F13A1: variants seen among roughly 807,000 people sequenced by gnomAD.
The protein encoded by F13A1 is FSF, A subunit.
Under a neutral mutation model 80.1 loss-of-function variants are expected in F13A1, and 47 were observed. The observed-to-expected ratio is 0.59, with a 90% confidence interval of 0.46 to 0.75. The LOEUF is 0.75. Ranked by LOEUF, F13A1 falls within the 30% of genes least tolerant of loss-of-function variation. The probability of loss-of-function intolerance (pLI) is 0.00; values close to 1 mark genes in which losing one functional copy is unlikely to be tolerated. For synonymous variants in F13A1, 349 were observed against 344.9 expected, an observed-to-expected ratio of 1.01 and a Z score of -0.13; for missense variants, 817 against 930.4, an observed-to-expected ratio of 0.88 and a Z score of 1.59.
At chr6:6,208,475 AG>A (rs1296789913) in intron 8 of F13A1, among the ~76,000 whole-genome samples, 9 of 152,310 alleles carry the variant, frequency 5.9e-5, no homozygotes, top group African/African-American at 2.2e-4. Context: ...AGCAAGTAGC[AG>A]AAAGAATATT....
chr6:6,201,148 T>C (rs1761386603), intron 8 of F13A1, among the ~76,000 whole-genome samples: 1 of 152,198 alleles, frequency 6.6e-6, no homozygotes, highest in Non-Finnish European at 1.5e-5. Flanking sequence ...AATTCAAATA[T>C]CCTTGGCAAG....
chr6:6,274,733 G>A (rs1470563454), intron 3 of F13A1, among the ~76,000 whole-genome samples: 1 of 152,176 alleles, frequency 6.6e-6, no homozygotes. Context: ...AACACAGTGT[G>A]GAAACCCAGA....
rs1761495206 is a variant in F13A1 at position 6,206,684 on chromosome 6, A to G, written c.1113-9358T>C. 18 of 403,176 alleles carry G rather than the reference A, an allele frequency of 4.5e-5. 1 individual carries two copies. Among genetic ancestry groups the G allele is most frequent in the South Asian group, 3.3e-4 (18 of 54,426 alleles). The allele number at this position is 403,176 out of a possible 1,614,324, so 25.0% of individuals were successfully genotyped here. On this transcript the variant is annotated intron_variant, in intron 8 of 14. Coordinates refer to ENST00000264870, the MANE Select transcript of F13A1 (RefSeq NM_000129.4). ...GCCCCCTTCTTGTTTTTAAGCAAAT[A>G]TTTTTTACATTCCTTCATTAGGCTG...
intron 8 of F13A1, among the ~76,000 whole-genome samples, chr6:6,212,555 T>A (rs986833760): frequency 1.6e-4 from 25 of 151,932 alleles, no homozygotes; most frequent in African/African-American, 6.0e-4. Flanking sequence ...AGACCAAAAG[T>A]AGATAAAACC....
At chr6:6,311,496 T>C (rs1758593921) in intron 2 of F13A1, among the ~76,000 whole-genome samples, 1 of 137,958 alleles carries the variant, frequency 7.2e-6, no homozygotes. Flanking sequence ...TGCTGATTAA[T>C]GCCTTTGAGA....
intron 8 of F13A1, among the ~76,000 whole-genome samples, chr6:6,205,183 TCTCA>T (rs1394932362): frequency 6.6e-6 from 1 of 152,206 alleles, no homozygotes; most frequent in Admixed American, 6.5e-5. Context: ...GTTTTGCAAG[TCTCA>T]CTGAGAAGTC....
intron 8 of F13A1, among the ~76,000 whole-genome samples, chr6:6,209,124 T>C (rs1263155648): frequency 6.6e-6 from 1 of 152,080 alleles, no homozygotes; most frequent in Non-Finnish European, 1.5e-5. Context: ...ATATAAAGAA[T>C]AGTTACAATT....
intron 12 of F13A1, among the ~76,000 whole-genome samples, chr6:6,169,834 T>C (rs1278287727): frequency 2.0e-5 from 3 of 152,226 alleles, no homozygotes; most frequent in Admixed American, 6.5e-5. Flanking sequence ...TAGAATGTAT[T>C]GGCCTATTTT....
chr6:6,254,059 ACAAT>A (rs1422680112), intron 4 of F13A1, among the ~76,000 whole-genome samples: 2 of 152,186 alleles, frequency 1.3e-5, no homozygotes, highest in Admixed American at 6.5e-5. Context: ...AACTCCACTA[ACAAT>A]CAGAGACATA....
At position 6,162,544 on chromosome 6, in the gene F13A1, C is replaced by G. The variant is rs529264055; in HGVS notation, c.1908+4914G>C. On this transcript the variant is annotated intron_variant, in intron 13 of 14. Transcript: ENST00000264870. This position sits in a 1 kb window ranked among gnomAD's most constrained non-coding sequence, Gnocchi z 4.2. ...TTGTGATAGTTCCATTGTAGCCCAG[C>G]GGCTGCCAGCACAGGCTTCCAAGTC... Among the ~76,000 whole-genome samples the G allele has an allele frequency of 6.6e-6, 1 of 152,198 alleles. No homozygotes were observed. Among genetic ancestry groups the G allele is most frequent in the South Asian group, 2.1e-4 (1 of 4,828 alleles).
chr6:6,210,490 A>C (rs1024450174), intron 8 of F13A1, among the ~76,000 whole-genome samples: 1 of 23,468 alleles, frequency 4.3e-5, no homozygotes, highest in Non-Finnish European at 7.6e-5. Flanking sequence ...GACTACAGGC[A>C]CCTGCCACAG....
chr6:6,145,500 T>A lies in F13A1; in HGVS notation c.*119A>T. 7.7e-7 allele frequency: 1 copy of A among 1,291,498 alleles called. No individual in the cohort carries two copies. The highest frequency in any genetic ancestry group is 1.7e-5 in the Admixed American group (1 of 57,652). 80.0% of individuals were successfully genotyped at this position (1,291,498 alleles called of 1,614,324 possible). A position where few individuals can be genotyped will look rare whatever the true frequency, so the allele number is the denominator to read the frequency against. ...GTGGGATCTCCACTCTGGAGCCCTC[T>A]GCAGTCCTGTCTGGGTCTTCACACC... On this transcript the variant is annotated 3_prime_UTR_variant, in exon 15 of 15. Coordinates refer to ENST00000264870, the MANE Select transcript of F13A1 (RefSeq NM_000129.4).
At chr6:6,230,516 G>A (rs748484423) in intron 6 of F13A1, among the ~76,000 whole-genome samples, 24 of 152,252 alleles carry the variant, frequency 1.6e-4, no homozygotes, top group Non-Finnish European at 1.9e-4. Flanking sequence ...TACCCTGCTA[G>A]TGGAAGACAA....
chr6:6,196,589 C>T (rs973474305), intron 9 of F13A1, among the ~76,000 whole-genome samples: 1 of 152,118 alleles, frequency 6.6e-6, no homozygotes, highest in Non-Finnish European at 1.5e-5. Flanking sequence ...GTGTGCCCAT[C>T]GATATATCAA....
At chr6:6,274,228 A>G (rs1413302838) in intron 3 of F13A1, among the ~76,000 whole-genome samples, 1 of 152,200 alleles carries the variant, frequency 6.6e-6, no homozygotes, top group African/African-American at 2.4e-5. Context: ...CTCAATAAAT[A>G]TTTGGCAAAT....
At chr6:6,159,715 A>G (rs1035188597) in intron 13 of F13A1, among the ~76,000 whole-genome samples, 9 of 152,168 alleles carry the variant, frequency 5.9e-5, no homozygotes, top group Admixed American at 5.9e-4. Flanking sequence ...GATACTTCCC[A>G]TGGATCTTGT....
chr6:6,168,488 C>T (rs1428911952), intron 12 of F13A1, among the ~76,000 whole-genome samples: 1 of 152,186 alleles, frequency 6.6e-6, no homozygotes, highest in Non-Finnish European at 1.5e-5. Context: ...GGTGTGCACC[C>T]ACTGCTACCT....
intron 10 of F13A1, among the ~76,000 whole-genome samples, chr6:6,194,255 G>A (rs1761250802): frequency 1.3e-5 from 2 of 152,072 alleles, no homozygotes; most frequent in Non-Finnish European, 2.9e-5. Flanking sequence ...GGGACAAGGA[G>A]CAAGTCTCTC....
intron 3 of F13A1, among the ~76,000 whole-genome samples, chr6:6,298,996 C>T (rs1188349477): frequency 2.7e-5 from 4 of 147,654 alleles, no homozygotes; most frequent in African/African-American, 1.1e-4. Flanking sequence ...TTTATTTCTC[C>T]TTCACTTATG....
Sources: allele counts gnomAD v4.1 joint callset (sites outside exome capture counted in the v4.1 genomes callset), GRCh38; gene constraint gnomAD v4.1.1; non-coding constraint Gnocchi (gnomAD v3.1); transcripts MANE v1.5; gene names NCBI Gene and HGNC (gene_info 2026-07-23, HGNC 2026-07-21).